Variants in NCAPD3 observed in about 807,000 individuals in gnomAD.
The protein encoded by NCAPD3 is non-SMC condensin II complex subunit D3.
A neutral mutation model predicts 182.9 loss-of-function variants in NCAPD3; 105 were observed. That is an observed-to-expected ratio of 0.57 (90% confidence interval 0.49 to 0.68). NCAPD3 has a LOEUF of 0.68. NCAPD3 is among the 30% of genes least tolerant of loss of function. The pLI, the probability that NCAPD3 is intolerant of heterozygous loss-of-function variation, is 0.00. For missense variants in NCAPD3, 1,944 were observed against 1,837.0 expected (o/e 1.06, Z -1.07); for synonymous variants, 815 against 679.9 (o/e 1.20, Z -3.09).
In NCAPD3 at chr11:134,194,170, C is replaced by T; in HGVS notation, c.1690-20G>A. On this transcript the variant is annotated intron_variant, in intron 14 of 34. Transcript: ENST00000534548. ...TAATACCTAGAAGGCATAGACGCAACATGAACTGTTAACTGCATAGCATCA... is the reference window on the plus strand; with the variant it reads ...TAATACCTAGAAGGCATAGACGCAATATGAACTGTTAACTGCATAGCATCA... The T allele has an allele frequency of 1.2e-6, 2 of 1,611,002 alleles. No homozygotes were observed. Among genetic ancestry groups the T allele is most frequent in the Non-Finnish European group, 1.7e-6 (2 of 1,178,222 alleles).
chr11:134,216,096 G>A (rs1199974060), intron 3 of NCAPD3, among the ~76,000 whole-genome samples: 1 of 152,080 alleles, frequency 6.6e-6, no homozygotes, highest in Admixed American at 6.6e-5. Flanking sequence ...TTGAGAGAGG[G>A]CCTAGTTACA....
chr11:134,170,086 G>A (rs1943970602), intron 24 of NCAPD3, among the ~76,000 whole-genome samples: 1 of 152,166 alleles, frequency 6.6e-6, no homozygotes, highest in Admixed American at 6.5e-5. Context: ...TGTGTTCACA[G>A]CACACATATC....
intron 20 of NCAPD3, among the ~76,000 whole-genome samples, chr11:134,180,592 T>C (rs892692761): frequency 2.0e-5 from 3 of 152,206 alleles, no homozygotes; most frequent in African/African-American, 7.2e-5. Flanking sequence ...TCCAAGGTCA[T>C]CTGTGTTCTG....
rs890810038 is a variant in NCAPD3, at chr11:134,194,707, C to T, written c.1647G>A (p.Arg549=). 2 of 1,609,832 alleles carry T rather than the reference C, an allele frequency of 1.2e-6. No homozygotes were observed. The highest frequency in any genetic ancestry group is 1.3e-5 in the African/African-American group (1 of 74,542). Residue 549 remains arginine (R), a synonymous_variant, in exon 14 of 35, where the codon AGG becomes AGA. Transcript: ENST00000534548. ...ERCVMAMLRR[R]IRDEKTNVRK... ...TAACGTTGGTCTTCTCATCCCTGAT[C>T]CTCCTTCTCAGCATTGCCATGACAC...
At chr11:134,209,646 C>T in intron 4 of NCAPD3, 169 bp from the exon 5 acceptor site, 1 of 595,570 alleles carries the variant, frequency 1.7e-6, no homozygotes, top group Non-Finnish European at 2.9e-6. Context: ...TTGGCCACAA[C>T]AGTAAATCAC....
chr11:134,216,313 T>A (rs991133836), intron 3 of NCAPD3, among the ~76,000 whole-genome samples: 6 of 152,252 alleles, frequency 3.9e-5, no homozygotes, highest in Non-Finnish European at 5.9e-5. Flanking sequence ...CTTGCCATTC[T>A]CTTTTCCATA....
chr11:134,218,110 AG>A (rs5795873), intron 2 of NCAPD3, among the ~76,000 whole-genome samples: 13,122 of 59,418 alleles, frequency 0.22, 1,451 homozygotes, highest in African/African-American at 0.38. Flanking sequence ...AAAAAAAAAA[AG>A]GGGGGGGGGG....
rs146474909 is a variant in NCAPD3, at chr11:134,204,213, G to A, written c.1090-42C>T. Reference sequence around the variant, plus strand: ...GAAGTTGACCAACCAATATCCACCCGCAGGATGGCTGAAACATATTCTGTA... The same window carrying A: ...GAAGTTGACCAACCAATATCCACCCACAGGATGGCTGAAACATATTCTGTA... On this transcript the variant is annotated intron_variant, in intron 9 of 34. Coordinates refer to ENST00000534548, the MANE Select transcript of NCAPD3 (RefSeq NM_015261.3). The surrounding 1 kb of genome is among the most constrained non-coding windows in gnomAD (Gnocchi z 4.3). 1.2e-5 allele frequency: 20 copies of A among 1,601,490 alleles called. No individual in the cohort carries two copies. Among genetic ancestry groups the A allele is most frequent in the East Asian group, 1.1e-4 (5 of 44,678 alleles).
chr11:134,223,727 T>C, intron 1 of NCAPD3, 136 bp downstream of exon 1: 1 of 1,063,134 alleles, frequency 9.4e-7, no homozygotes, highest in Non-Finnish European at 1.4e-6. Context: ...GGCACGGCCC[T>C]GGGGACCCCA....
At chr11:134,183,366 G>C (rs1944336276) in intron 19 of NCAPD3, among the ~76,000 whole-genome samples, 1 of 152,112 alleles carries the variant, frequency 6.6e-6, no homozygotes, top group Non-Finnish European at 1.5e-5. Context: ...TCAGGAGTTT[G>C]AGACCAGCCT....
intron 3 of NCAPD3, among the ~76,000 whole-genome samples, chr11:134,213,559 C>T (rs906516022): frequency 2.6e-5 from 4 of 151,716 alleles, no homozygotes; most frequent in African/African-American, 9.7e-5. Context: ...TTCAAGTGAT[C>T]CGCCCGCCTC....
chr11:134,154,250 C>T (rs1565513308), intron 32 of NCAPD3, among the ~76,000 whole-genome samples: 1 of 152,186 alleles, frequency 6.6e-6, no homozygotes, highest in Non-Finnish European at 1.5e-5. Flanking sequence ...ATCCCTGCAT[C>T]ACTGGAGTTA....
At chr11:134,169,837 C>T (rs539406807) in intron 24 of NCAPD3, among the ~76,000 whole-genome samples, 3 of 152,354 alleles carry the variant, frequency 2.0e-5, no homozygotes, top group Admixed American at 6.5e-5. Context: ...GTCAAACTAA[C>T]ATGGTGCAGG....
Position 134,209,494 on chromosome 11 carries a change from T to C in NCAPD3, c.568-17A>G, listed in dbSNP as rs1937746279. The C allele has an allele frequency of 2.5e-6, 4 of 1,598,842 alleles. No individual in the cohort carries two copies. Among genetic ancestry groups the C allele is most frequent in the East Asian group, 2.2e-5 (1 of 44,796 alleles). ...TTCATCCATCTAGATTATGAAGAAA[T>C]GTACAGGTGACTGTAATAAATGCCA... On this transcript the variant is annotated splice_polypyrimidine_tract_variant and intron_variant, in intron 4 of 34. Transcript: ENST00000534548.
chr11:134,208,569 CTG>C (rs1399159731), intron 7 of NCAPD3, among the ~76,000 whole-genome samples: 1 of 152,196 alleles, frequency 6.6e-6, no homozygotes, highest in Non-Finnish European at 1.5e-5. Flanking sequence ...ATAGAAGTAA[CTG>C]TTCAGCAGTT....
chr11:134,174,410 A>T (rs1456673517), intron 24 of NCAPD3, among the ~76,000 whole-genome samples: 2 of 149,464 alleles, frequency 1.3e-5, no homozygotes, highest in Non-Finnish European at 3.0e-5. Context: ...AAAAAAAGCA[A>T]ACAAAAAAAA....
intron 29 of NCAPD3, among the ~76,000 whole-genome samples, chr11:134,158,916 C>G (rs888666702): frequency 6.6e-6 from 1 of 152,138 alleles, no homozygotes; most frequent in Non-Finnish European, 1.5e-5. Flanking sequence ...TGAATGAGAA[C>G]ATACAATCTT....
chr11:134,167,345 C>CATTT (rs10656991), intron 27 of NCAPD3, among the ~76,000 whole-genome samples: 1 of 49,122 alleles, frequency 2.0e-5, no homozygotes, highest in Non-Finnish European at 3.5e-5. Context: ...GGCGCACACT[C>CATTT]GTGAGATGAG....
chr11:134,173,833 C>T (rs569969506), intron 24 of NCAPD3, among the ~76,000 whole-genome samples: 8 of 151,958 alleles, frequency 5.3e-5, no homozygotes, highest in South Asian at 4.2e-4. Context: ...TGGTGGCGCA[C>T]GCCTGTGATC....
Sources: allele counts gnomAD v4.1 joint callset (sites outside exome capture counted in the v4.1 genomes callset), GRCh38; gene constraint gnomAD v4.1.1; non-coding constraint Gnocchi (gnomAD v3.1); transcripts MANE v1.5; gene names NCBI Gene and HGNC (gene_info 2026-07-23, HGNC 2026-07-21).